Variants in SLC10A7 observed in about 807,000 individuals in gnomAD.
The protein encoded by SLC10A7 is solute carrier family 10 member 7.
Under a neutral mutation model 43.2 loss-of-function variants are expected in SLC10A7, and 29 were observed. The ratio of observed to expected loss-of-function variants is 0.67; its 90% CI spans 0.50 to 0.92. The LOEUF (loss-of-function observed/expected upper bound fraction) is 0.92, where lower values mean the gene tolerates loss of function less well. Among genes scored for constraint, SLC10A7 ranks in the 40% least tolerant of loss-of-function variants. The pLI is 0.00. For missense variants in SLC10A7, 295 were observed against 403.2 expected, an observed-to-expected ratio of 0.73 and a Z score of 2.30; for synonymous variants, 152 against 144.8, an observed-to-expected ratio of 1.05 and a Z score of -0.35.
chr4:146,508,425 C>T (rs1027956556), intron 3 of SLC10A7, among the ~76,000 whole-genome samples: 1 of 152,148 alleles, frequency 6.6e-6, no homozygotes, highest in Non-Finnish European at 1.5e-5. Flanking sequence ...ATGATGTCAT[C>T]ATATTTATGT....
At chr4:146,436,825 CT>C (rs1186097302) in intron 5 of SLC10A7, among the ~76,000 whole-genome samples, 1 of 151,918 alleles carries the variant, frequency 6.6e-6, no homozygotes, top group Non-Finnish European at 1.5e-5. Context: ...TTAATAGTAG[CT>C]TTTTTTTCCA....
At chr4:146,431,616 C>A (rs765904101) in intron 5 of SLC10A7, among the ~76,000 whole-genome samples, 7 of 151,946 alleles carry the variant, frequency 4.6e-5, no homozygotes, top group Non-Finnish European at 1.5e-5. Context: ...TGAACACCAA[C>A]CAATACACTA....
intron 2 of SLC10A7, among the ~76,000 whole-genome samples, chr4:146,516,455 T>C (rs1737978202): frequency 6.7e-6 from 1 of 148,460 alleles, no homozygotes; most frequent in Non-Finnish European, 1.5e-5. Flanking sequence ...TTGACACATA[T>C]ATGTATGTGT....
At chr4:146,351,499 G>A (rs1473371768) in intron 5 of SLC10A7, among the ~76,000 whole-genome samples, 1 of 149,876 alleles carries the variant, frequency 6.7e-6, no homozygotes, top group African/African-American at 2.4e-5. Context: ...AATCTAGCAA[G>A]GCAGGCCAAC....
intron 4 of SLC10A7, among the ~76,000 whole-genome samples, chr4:146,469,081 A>C (rs997818615): frequency 1.2e-4 from 19 of 152,132 alleles, no homozygotes; most frequent in African/African-American, 4.1e-4. Context: ...GCACAACCAG[A>C]AGGAGAGCAC....
At chr4:146,415,289 C>A (rs904678052) in intron 5 of SLC10A7, among the ~76,000 whole-genome samples, 14 of 152,194 alleles carry the variant, frequency 9.2e-5, no homozygotes, top group African/African-American at 3.4e-4. Flanking sequence ...TGGATTCTGG[C>A]TGTGGTTCTT....
intron 10 of SLC10A7, among the ~76,000 whole-genome samples, chr4:146,262,686 C>T (rs1425095039): frequency 1.3e-5 from 2 of 152,178 alleles, no homozygotes; most frequent in Admixed American, 6.5e-5. Flanking sequence ...TTTGACCTAA[C>T]CCTGCATTTC....
intron 5 of SLC10A7, among the ~76,000 whole-genome samples, chr4:146,331,041 T>G (rs1384086281): frequency 6.6e-6 from 1 of 152,132 alleles, no homozygotes; most frequent in African/African-American, 2.4e-5. Context: ...CAGGGTTATA[T>G]TTTAAGAGTA....
chr4:146,446,600 A>G (rs1731104858), intron 4 of SLC10A7, among the ~76,000 whole-genome samples: 1 of 151,978 alleles, frequency 6.6e-6, no homozygotes, highest in South Asian at 2.1e-4. Context: ...AAATGAAAAT[A>G]AATGACCTAC....
chr4:146,316,975 C>T lies in SLC10A7; in HGVS notation c.471+8986G>A, dbSNP rs528996666. ...ACTCATTTCATCTTATCATAATCTT[C>T]ATTTTACAGAGGTAAAAACTGAGGC... On this transcript the variant is annotated intron_variant, in intron 6 of 11. Coordinates refer to ENST00000335472, the MANE Select transcript of SLC10A7 (RefSeq NM_001029998.6). Among the ~76,000 whole-genome samples the T allele has an allele frequency of 5.9e-5, 9 of 152,198 alleles. No homozygotes were observed. The South Asian group carries it at 1.5e-3, about 25-fold the overall frequency.
intron 4 of SLC10A7, among the ~76,000 whole-genome samples, chr4:146,459,627 A>C (rs13434672): frequency 0.81 from 121,211 of 149,598 alleles, 49,660 homozygotes; most frequent in African/African-American, 0.91. Context: ...AAAAAAAAAA[A>C]CGAAAAACTC....
intron 4 of SLC10A7, among the ~76,000 whole-genome samples, chr4:146,443,371 G>A (rs1730762069): frequency 6.6e-6 from 1 of 152,042 alleles, no homozygotes; most frequent in African/African-American, 2.4e-5. Context: ...AGAAAAGCAA[G>A]AAAAGCTCCA....
intron 4 of SLC10A7, among the ~76,000 whole-genome samples, chr4:146,467,694 C>G (rs28605564): frequency 0.26 from 39,419 of 150,864 alleles, 5,201 homozygotes; most frequent in South Asian, 0.34. Context: ...TCCCAAGTAG[C>G]TGGGAGTACA....
At chr4:146,268,111 G>A (rs1001063874) in intron 10 of SLC10A7, among the ~76,000 whole-genome samples, 13 of 152,116 alleles carry the variant, frequency 8.5e-5, no homozygotes, top group African/African-American at 2.9e-4. Context: ...CTTTGCTACC[G>A]ACTAGGAAAC....
chr4:146,375,023 T>C (rs1357561881), intron 5 of SLC10A7, among the ~76,000 whole-genome samples: 1 of 151,952 alleles, frequency 6.6e-6, no homozygotes, highest in Non-Finnish European at 1.5e-5. Context: ...CTGGCAAACA[T>C]GGTGAAACCC....
At chr4:146,418,577 T>G (rs938429342) in intron 5 of SLC10A7, among the ~76,000 whole-genome samples, 1 of 152,060 alleles carries the variant, frequency 6.6e-6, no homozygotes, top group African/African-American at 2.4e-5. Flanking sequence ...AGAATTAAAG[T>G]TTTTTATGAT....
chr4:146,269,516 T>G (rs1728768907), intron 10 of SLC10A7, among the ~76,000 whole-genome samples: 1 of 152,226 alleles, frequency 6.6e-6, no homozygotes, highest in Admixed American at 6.5e-5. Context: ...ATCTGGCTAA[T>G]GTTCACACTC....
intron 4 of SLC10A7, among the ~76,000 whole-genome samples, chr4:146,486,985 C>T (rs1398569208): frequency 6.6e-6 from 1 of 152,194 alleles, no homozygotes; most frequent in Non-Finnish European, 1.5e-5. Flanking sequence ...GTCAAATTGT[C>T]AGCCAAACTG....
intron 10 of SLC10A7, among the ~76,000 whole-genome samples, chr4:146,268,389 G>T (rs1281870478): frequency 5.3e-5 from 8 of 152,038 alleles, no homozygotes; most frequent in African/African-American, 1.9e-4. Context: ...GATGTCTAAG[G>T]CCATTATTAA....
Sources: allele counts gnomAD v4.1 joint callset (sites outside exome capture counted in the v4.1 genomes callset), GRCh38; gene constraint gnomAD v4.1.1; transcripts MANE v1.5; gene names NCBI Gene and HGNC (gene_info 2026-07-23, HGNC 2026-07-21).